Variants in WNT5B observed in about 807,000 individuals in gnomAD.
WNT5B encodes protein Wnt-5b.
A neutral mutation model predicts 36.5 loss-of-function variants in WNT5B; 18 were observed. That is an observed-to-expected ratio of 0.49 (90% CI 0.34 to 0.73). The LOEUF is 0.73. WNT5B is among the 30% of genes least tolerant of loss of function. WNT5B has a pLI of 0.01. For synonymous variants in WNT5B, 213 were observed against 212.3 expected, an observed-to-expected ratio of 1.00 and a Z score of -0.03; for missense variants, 424 against 508.4, an observed-to-expected ratio of 0.83 and a Z score of 1.60.
Position 1,645,968 on chromosome 12 carries a change from GTC to G in WNT5B, c.797_798del (p.Val266GlufsTer49). 1 of 1,610,718 alleles carries G rather than the reference GTC, an allele frequency of 6.2e-7. No individual in the cohort carries two copies. Among genetic ancestry groups the G allele is most frequent in the Non-Finnish European group, 8.5e-7 (1 of 1,179,812 alleles). On this transcript the variant is annotated frameshift_variant, in exon 5 of 5. Transcript: ENST00000397196. LOFTEE classifies it high-confidence loss of function. ...CACCCGCAAGGGCCGGCTGGAGCTG[GTC>G]AACAGCCGCTTCACCCAGCCCACCC... is the stretch of plus-strand genomic sequence containing the variant. Reference protein sequence around the residue: ...RVTRKGRLELVNSRFTQPTPE... With the variant: ...RVTRKGRLELXNSRFTQPTPE...
In WNT5B at chr12:1,639,916, A is replaced by G; in HGVS notation, c.561A>G (p.Lys187=). 6.2e-7 allele frequency: 1 copy of G among 1,614,056 alleles called. No homozygotes were observed. Reference sequence around the variant, plus strand: ...GGGAGCGAGAGAAGAACTTTGCCAAAGGATCAGAGGAGCAGGGCCGGGTGC... The same window carrying G: ...GGGAGCGAGAGAAGAACTTTGCCAAGGGATCAGAGGAGCAGGGCCGGGTGC... ...DAREREKNFA[K]GSEEQGRVLM... Residue 187 remains lysine, a synonymous_variant, in exon 4 of 5, where the codon AAA becomes AAG. Coordinates refer to ENST00000397196, the MANE Select transcript of WNT5B (RefSeq NM_032642.3).
At position 1,633,098 on chromosome 12, in the gene WNT5B, C is replaced by T. The variant is rs7314133; in HGVS notation, c.328+193C>T. On this transcript the variant is annotated intron_variant, in intron 3 of 4. Transcript: ENST00000397196. The surrounding 1 kb of genome is among the most constrained non-coding windows in gnomAD (Gnocchi z 4.8). ...GCTCTGGGAGGCTGCAGAAACCACA[C>T]GCTTGATGTTCCTCTAGCTCTCTGC... Among the ~76,000 whole-genome samples, 2,741 of 152,220 alleles carry T rather than the reference C, an allele frequency of 0.018. 77 individuals carry two copies. The highest frequency in any genetic ancestry group is 0.062 in the African/African-American group (2,570 of 41,510).
rs1046326328 is a variant in WNT5B at position 1,646,850 on chromosome 12, A to T, written c.*598A>T. ...CATCTCTGGCCCAGTGACCACAGAG[A>T]GATCTGCACCTCCCGGACTTCAGGC... On this transcript the variant is annotated 3_prime_UTR_variant, in exon 5 of 5. Transcript: ENST00000397196. The T allele has an allele frequency of 3.3e-5, 5 of 152,156 alleles. No individual in the cohort carries two copies. Among genetic ancestry groups the T allele is most frequent in the African/African-American group, 1.2e-4 (5 of 41,408 alleles). The allele number at this position is 152,156 out of a possible 1,614,324, so 9.4% of individuals were successfully genotyped here.
chr12:1,642,713 ATTGT>A (rs1172734787), intron 4 of WNT5B, among the ~76,000 whole-genome samples: 5 of 151,798 alleles, frequency 3.3e-5, no homozygotes, highest in African/African-American at 1.2e-4. Context: ...ATTGCCCTTA[ATTGT>A]TTGTTGTCTT....
At position 1,634,422 on chromosome 12, in the gene WNT5B, G is replaced by A. The variant is rs190937858; in HGVS notation, c.328+1517G>A. On this transcript the variant is annotated intron_variant, in intron 3 of 4. Coordinates refer to ENST00000397196, the MANE Select transcript of WNT5B (RefSeq NM_032642.3). ...CTGATGTTGGCTAGATCCTTTTCAT[G>A]TGTATTTCGTGTGCATAAAGGCCCC... 1.3e-3 allele frequency among the ~76,000 whole-genome samples: 204 copies of A among 152,234 alleles called. 4 individuals are homozygous for A. In the South Asian group the frequency reaches 0.026, roughly 20 times the overall value.
upstream of WNT5B, among the ~76,000 whole-genome samples, chr12:1,626,767 G>A (rs545353809): frequency 3.6e-4 from 54 of 151,688 alleles, no homozygotes; most frequent in South Asian, 7.7e-3. Flanking sequence ...GGGTTTCACC[G>A]TGTTAGCCAG....
At chr12:1,623,184 G>GGTTTTTTTTTT (rs1272170104) in intron 1 of WNT5B, among the ~76,000 whole-genome samples, 15 of 53,516 alleles carry the variant, frequency 2.8e-4, no homozygotes, top group African/African-American at 1.1e-3. Flanking sequence ...AGGGTTTTTT[G>GGTTTTTTTTTT]TTGTTTTTTT....
rs752618904 is a variant in WNT5B, at chr12:1,632,920, C to G, written c.328+15C>G. 1 of 1,593,526 alleles carries G rather than the reference C, an allele frequency of 6.3e-7. No homozygotes were observed. Among genetic ancestry groups the G allele is most frequent in the South Asian group, 1.1e-5 (1 of 89,592 alleles). On this transcript the variant is annotated intron_variant, in intron 3 of 4. Transcript: ENST00000397196. The surrounding 1 kb of genome is among the most constrained non-coding windows in gnomAD (Gnocchi z 5.8). ...CATGCAGATAGGTAAGAGGCCATTA[C>G]AAGAGGGCTCGGCCAAGGAACTGCA...
At chr12:1,619,179 T>C (rs558654091) in intron 1 of WNT5B, among the ~76,000 whole-genome samples, 4 of 110,394 alleles carry the variant, frequency 3.6e-5, no homozygotes, top group African/African-American at 1.4e-4. Context: ...AGAGAAACAA[T>C]GAGAAAAGAC....
chr12:1,637,482 A>C (rs2094564025), intron 3 of WNT5B, among the ~76,000 whole-genome samples: 1 of 152,044 alleles, frequency 6.6e-6, no homozygotes, highest in Admixed American at 6.6e-5. Context: ...TCACGCCTGA[A>C]ATCCCAGCAC....
chr12:1,632,488 C>A lies in WNT5B; in HGVS notation c.81-170C>A, dbSNP rs1272237511. Among the ~76,000 whole-genome samples, 3 of 152,292 alleles carry A rather than the reference C, an allele frequency of 2.0e-5. No homozygotes were observed. In the East Asian group the frequency reaches 5.8e-4, roughly 29 times the overall value. On this transcript the variant is annotated intron_variant, in intron 2 of 4. Transcript: ENST00000397196. The surrounding 1 kb of genome is among the most constrained non-coding windows in gnomAD (Gnocchi z 5.8). Reference sequence around the variant, plus strand: ...GTCCTTTGTGTTCATGCCTCAGATTCCTTCAGTTTGTCCTTTGAAGGCCAG... The same window carrying A: ...GTCCTTTGTGTTCATGCCTCAGATTACTTCAGTTTGTCCTTTGAAGGCCAG...
At chr12:1,639,217 A>G (rs1269952638) in intron 3 of WNT5B, among the ~76,000 whole-genome samples, 1 of 149,708 alleles carries the variant, frequency 6.7e-6, no homozygotes, top group African/African-American at 2.4e-5. Context: ...AGCTCCCTGC[A>G]AGCTCCGCCT....
In WNT5B at chr12:1,646,018, C is replaced by T; in HGVS notation, c.846C>T (p.Asp282=). ...CCCCGGAGGACCTGGTCTATGTGGA[C>T]CCCAGCCCCGACTACTGCCTGCGCA... is the stretch of plus-strand genomic sequence containing the variant. ...QPTPEDLVYV[D]PSPDYCLRNE... The change falls in exon 5 of 5, where the codon GAC becomes GAT. Residue 282 remains aspartate, a synonymous_variant. Transcript: ENST00000397196. The T allele has an allele frequency of 3.7e-6, 6 of 1,612,640 alleles. No homozygotes were observed. Among genetic ancestry groups the T allele is most frequent in the Non-Finnish European group, 5.1e-6 (6 of 1,179,966 alleles).
At chr12:1,645,738 T>A in intron 4 of WNT5B, 56 bp from the exon 5 acceptor site, 1 of 1,519,464 alleles carries the variant, frequency 6.6e-7, no homozygotes, top group Non-Finnish European at 8.9e-7. Flanking sequence ...CCAGCCACCC[T>A]CTGGGCCTCT....
chr12:1,629,785 G>C (rs1478408658), intron 1 of WNT5B: 1 of 151,252 alleles, frequency 6.6e-6, no homozygotes, highest in Admixed American at 6.6e-5. Flanking sequence ...TTCTGCCCCG[G>C]GGGACGAGGA....
Position 1,631,410 on chromosome 12 carries a change from T to C in WNT5B, c.56T>C (p.Leu19Pro). ...TAALLSSWAQ[L>P]LTDANSWWSL... The stretch of plus-strand genomic sequence containing the variant: ...GCTCTGCTGTCCAGCTGGGCTCAGC[T>C]TCTGACAGACGCCAACTCCTGGTGG... Residue 19 changes from leucine (L) to proline (P), a missense_variant, in exon 2 of 5, where the codon CTT becomes CCT. By Grantham distance (98) the Leu-to-Pro change is moderately conservative. Coordinates refer to ENST00000397196, the MANE Select transcript of WNT5B (RefSeq NM_032642.3). The C allele has an allele frequency of 1.2e-6, 2 of 1,614,168 alleles. No individual in the cohort carries two copies. The highest frequency in any genetic ancestry group is 1.7e-6 in the Non-Finnish European group (2 of 1,180,030).
At chr12:1,643,923 G>A (rs756675739) in intron 4 of WNT5B, among the ~76,000 whole-genome samples, 1 of 152,004 alleles carries the variant, frequency 6.6e-6, no homozygotes, top group African/African-American at 2.4e-5. Flanking sequence ...TTAAGCTGGT[G>A]CACTTCCTCT....
chr12:1,630,162 G>C lies in WNT5B; in HGVS notation c.-58+791G>C. ...AGCACCCGCCGCCCCCTCCCGGGGA[G>C]CCTGGGGACGCCGACGCGCGAGAGT... On this transcript the variant is annotated intron_variant, in intron 1 of 4. Coordinates refer to ENST00000397196, the MANE Select transcript of WNT5B (RefSeq NM_032642.3). This position sits in a 1 kb window ranked among gnomAD's most constrained non-coding sequence, Gnocchi z 5.3. 1 of 985,454 alleles carries C rather than the reference G, an allele frequency of 1.0e-6. No homozygotes were observed. The highest frequency in any genetic ancestry group is 1.2e-6 in the Non-Finnish European group (1 of 829,976). 61.0% of individuals were successfully genotyped at this position (985,454 alleles called of 1,614,324 possible). A position where few individuals can be genotyped will look rare whatever the true frequency, so the allele number is the denominator to read the frequency against.
intron 4 of WNT5B, 116 bp from the exon 5 acceptor site, chr12:1,645,678 T>C: frequency 1.1e-6 from 1 of 925,494 alleles, no homozygotes; most frequent in Non-Finnish European, 1.6e-6. Context: ...TGAAAAGCTA[T>C]CTATCCCCTA....
Sources: gnomAD v4.1 joint callset for allele counts (sites outside exome capture counted in the v4.1 genomes callset) on GRCh38, gnomAD v4.1.1 for gene constraint, Gnocchi (gnomAD v3.1) non-coding constraint, MANE v1.5 for transcripts, NCBI Gene and HGNC (gene_info 2026-07-23, HGNC 2026-07-21) for gene names.